AGAP1: variants seen among roughly 807,000 people sequenced by gnomAD.
AGAP1 encodes ArfGAP with GTPase domain, ankyrin repeat and PH domain 1, also known as arf-GAP with GTPase, ANK repeat and PH domain-containing protein 1.
Under a neutral mutation model 105.3 loss-of-function variants are expected in AGAP1, and 29 were observed. The ratio of observed to expected loss-of-function variants is 0.28; its 90% CI spans 0.21 to 0.38. The LOEUF is 0.38. AGAP1 is among the 10% of genes least tolerant of loss of function. The pLI, the probability that AGAP1 is intolerant of heterozygous loss-of-function variation, is 1.00. For missense variants in AGAP1, 998 were observed against 1,165.1 expected (o/e 0.86, Z 2.09); for synonymous variants, 509 against 485.9 (o/e 1.05, Z -0.63).
chr2:235,841,518 A>T (rs948569367), intron 9 of AGAP1, among the ~76,000 whole-genome samples: 1 of 151,900 alleles, frequency 6.6e-6, no homozygotes, highest in Non-Finnish European at 1.5e-5. Flanking sequence ...GGTCCCAGCT[A>T]CTCTGGAGGC....
chr2:235,887,961 G>T lies in AGAP1; in HGVS notation c.1155+4512G>T, dbSNP rs1207404647. ...CGTGCGGCAGCCCATCACCGGCAGC[G>T]CTTGCTCGTGGTGGTGAGGCCTCTC... is the stretch of plus-strand genomic sequence containing the variant. On this transcript the variant is annotated intron_variant, in intron 10 of 17. Coordinates refer to ENST00000304032, the MANE Select transcript of AGAP1 (RefSeq NM_001037131.3). This position sits in a 1 kb window ranked among gnomAD's most constrained non-coding sequence, Gnocchi z 4.1. 6.6e-6 allele frequency among the ~76,000 whole-genome samples: 1 copy of T among 152,170 alleles called. No individual in the cohort carries two copies. Among genetic ancestry groups the T allele is most frequent in the African/African-American group, 2.4e-5 (1 of 41,436 alleles).
rs1195228505 is a variant in AGAP1, at chr2:236,045,881, G to A, written c.1892-3178G>A. 1 of 459,958 alleles carries A rather than the reference G, an allele frequency of 2.2e-6. No individual in the cohort carries two copies. Among genetic ancestry groups the A allele is most frequent in the Non-Finnish European group, 4.6e-6 (1 of 218,656 alleles). 28.5% of individuals were successfully genotyped at this position (459,958 alleles called of 1,614,324 possible). A position where few individuals can be genotyped will look rare whatever the true frequency, so the allele number is the denominator to read the frequency against. On this transcript the variant is annotated intron_variant, in intron 15 of 17. Transcript: ENST00000304032. The surrounding 1 kb of genome is among the most constrained non-coding windows in gnomAD (Gnocchi z 6.9). Reference sequence around the variant, plus strand: ...AGCCTTACCTGTCTCTAAGCAGAGGGTGGTGAGCATGGGGCCCTGGAACAC... The same window carrying A: ...AGCCTTACCTGTCTCTAAGCAGAGGATGGTGAGCATGGGGCCCTGGAACAC...
At position 235,622,493 on chromosome 2, in the gene AGAP1, G is replaced by A. The variant is rs1237522907; in HGVS notation, c.164-86686G>A. Among the ~76,000 whole-genome samples the A allele has an allele frequency of 6.6e-6, 1 of 152,186 alleles. No individual in the cohort carries two copies. Among genetic ancestry groups the A allele is most frequent in the Non-Finnish European group, 1.5e-5 (1 of 68,042 alleles). On this transcript the variant is annotated intron_variant, in intron 1 of 17. Coordinates refer to ENST00000304032, the MANE Select transcript of AGAP1 (RefSeq NM_001037131.3). This position sits in a 1 kb window ranked among gnomAD's most constrained non-coding sequence, Gnocchi z 5.0. ...CAGAGACAGGTGTCTGGGATCTGAA[G>A]ACAGCAGTTGGGGAGGACAGTGTTG...
Position 236,089,519 on chromosome 2 carries a change from G to A in AGAP1, c.2115-30673G>A, listed in dbSNP as rs145465994. Among the ~76,000 whole-genome samples, 2,157 of 152,344 alleles carry A rather than the reference G, an allele frequency of 0.014. 47 individuals are homozygous for A. Among genetic ancestry groups the A allele is most frequent in the African/African-American group, 0.046 (1,926 of 41,566 alleles). On this transcript the variant is annotated intron_variant, in intron 16 of 17. Coordinates refer to ENST00000304032, the MANE Select transcript of AGAP1 (RefSeq NM_001037131.3). The surrounding 1 kb of genome is among the most constrained non-coding windows in gnomAD (Gnocchi z 5.6). ...GGCCTGATGGCCTGCGCCTGTTGCCGTTGATGAGACCCAAAGTCTGGAACG... is the reference window on the plus strand; with the variant it reads ...GGCCTGATGGCCTGCGCCTGTTGCCATTGATGAGACCCAAAGTCTGGAACG...
chr2:235,679,030 G>T (rs894006819), intron 1 of AGAP1, among the ~76,000 whole-genome samples: 1 of 152,246 alleles, frequency 6.6e-6, no homozygotes, highest in African/African-American at 2.4e-5. Context: ...GATTTCAGGT[G>T]TGTGGATAAT....
intron 9 of AGAP1, among the ~76,000 whole-genome samples, chr2:235,816,271 TA>T (rs1369033314): frequency 6.6e-6 from 1 of 151,534 alleles, no homozygotes; most frequent in Admixed American, 6.6e-5. Flanking sequence ...CCCCCGTCTC[TA>T]CTAAAAATAC....
Position 235,874,550 on chromosome 2 carries a change from T to G in AGAP1, c.1051-8795T>G, listed in dbSNP as rs575366821. 6.6e-6 allele frequency among the ~76,000 whole-genome samples: 1 copy of G among 152,278 alleles called. No individual in the cohort carries two copies. The highest frequency in any genetic ancestry group is 2.1e-4 in the South Asian group (1 of 4,820). ...AACCGAAGTGCACTTTGCAGGGAGC[T>G]AAGAGGCTCGGCTGCTAACAGCAGA... On this transcript the variant is annotated intron_variant, in intron 9 of 17. Coordinates refer to ENST00000304032, the MANE Select transcript of AGAP1 (RefSeq NM_001037131.3). The surrounding 1 kb of genome is among the most constrained non-coding windows in gnomAD (Gnocchi z 4.5).
chr2:235,649,838 C>T (rs930622736), intron 1 of AGAP1, among the ~76,000 whole-genome samples: 1 of 152,164 alleles, frequency 6.6e-6, no homozygotes, highest in African/African-American at 2.4e-5. Context: ...AAAATGAAAC[C>T]AATTGAAGTA....
At chr2:235,561,054 T>G (rs1944134223) in intron 1 of AGAP1, among the ~76,000 whole-genome samples, 1 of 152,174 alleles carries the variant, frequency 6.6e-6, no homozygotes, top group Non-Finnish European at 1.5e-5. Flanking sequence ...TGCCTGGTTG[T>G]TTGGGCCATG....
At chr2:235,504,026 C>A (rs866004062) in intron 1 of AGAP1, among the ~76,000 whole-genome samples, 8 of 152,328 alleles carry the variant, frequency 5.3e-5, no homozygotes, top group Middle Eastern at 3.4e-3. Context: ...GGACCACAGG[C>A]ACGCACCACC....
intron 1 of AGAP1, among the ~76,000 whole-genome samples, chr2:235,562,369 G>T (rs1393964005): frequency 2.0e-5 from 3 of 152,124 alleles, no homozygotes; most frequent in Non-Finnish European, 4.4e-5. Flanking sequence ...CACTAACGGT[G>T]GGGAGAGATG....
intron 13 of AGAP1, among the ~76,000 whole-genome samples, chr2:235,998,459 T>G (rs2055910695): frequency 6.6e-6 from 1 of 152,168 alleles, no homozygotes; most frequent in African/African-American, 2.4e-5. Context: ...ATCTTACCCC[T>G]GAAAGCTGTG....
In AGAP1 at chr2:236,048,942, T is replaced by C. The variant is rs2057811443; in HGVS notation, c.1892-117T>C. On this transcript the variant is annotated intron_variant, in intron 15 of 17. Coordinates refer to ENST00000304032, the MANE Select transcript of AGAP1 (RefSeq NM_001037131.3). ...GGCTAGGGAGCATTTTTTCTCGCCA[T>C]GGATGTGGTTCTGTCGTTGTGAAGT... is the stretch of plus-strand genomic sequence containing the variant. 3.0e-6 allele frequency: 3 copies of C among 986,288 alleles called. No individual in the cohort carries two copies. In the Admixed American group the frequency reaches 6.9e-5, roughly 23 times the overall value. 61.1% of individuals were successfully genotyped at this position (986,288 alleles called of 1,614,324 possible).
chr2:235,798,395 C>T (rs1957338840), intron 7 of AGAP1, among the ~76,000 whole-genome samples: 1 of 152,326 alleles, frequency 6.6e-6, no homozygotes, highest in Admixed American at 6.5e-5. Flanking sequence ...CAACCAACAA[C>T]CTCCTAAGGA....
In AGAP1 at chr2:236,113,714, G is replaced by A. The variant is rs1166888494; in HGVS notation, c.2115-6478G>A. ...AGGTCAGGTGCGGCAAAGCCCGTCA[G>A]GCAGCAATGCTAGAGTGTCTGTCTC... is the stretch of plus-strand genomic sequence containing the variant. On this transcript the variant is annotated intron_variant, in intron 16 of 17. Coordinates refer to ENST00000304032, the MANE Select transcript of AGAP1 (RefSeq NM_001037131.3). The surrounding 1 kb of genome is among the most constrained non-coding windows in gnomAD (Gnocchi z 4.3). Among the ~76,000 whole-genome samples the A allele has an allele frequency of 2.0e-5, 3 of 152,172 alleles. No homozygotes were observed. Among genetic ancestry groups the A allele is most frequent in the Non-Finnish European group, 4.4e-5 (3 of 68,032 alleles).
chr2:235,945,825 G>C (rs1410038131), intron 12 of AGAP1, among the ~76,000 whole-genome samples: 1 of 150,930 alleles, frequency 6.6e-6, no homozygotes, highest in Non-Finnish European at 1.5e-5. Flanking sequence ...GCTTCCGGGG[G>C]GGTGCCTCGG....
chr2:235,759,807 A>G (rs1197838750), intron 6 of AGAP1, among the ~76,000 whole-genome samples: 3 of 152,244 alleles, frequency 2.0e-5, no homozygotes, highest in Non-Finnish European at 4.4e-5. Flanking sequence ...TCTTAACCAA[A>G]GAAGCTCTTT....
At position 236,114,542 on chromosome 2, in the gene AGAP1, C is replaced by T. The variant is rs951179605; in HGVS notation, c.2115-5650C>T. ...TCTCACAGTTCTGGAGGCTGGAAGTCTGGAGTCAGGGTGCCCGCAGGGTTG... is the reference window on the plus strand; with the variant it reads ...TCTCACAGTTCTGGAGGCTGGAAGTTTGGAGTCAGGGTGCCCGCAGGGTTG... On this transcript the variant is annotated intron_variant, in intron 16 of 17. Coordinates refer to ENST00000304032, the MANE Select transcript of AGAP1 (RefSeq NM_001037131.3). This position sits in a 1 kb window ranked among gnomAD's most constrained non-coding sequence, Gnocchi z 5.0. Among the ~76,000 whole-genome samples the T allele has an allele frequency of 3.3e-5, 5 of 152,158 alleles. No individual in the cohort carries two copies. The highest frequency in any genetic ancestry group is 1.2e-4 in the African/African-American group (5 of 41,430).
At chr2:235,722,137 T>A (rs1460901819) in intron 3 of AGAP1, among the ~76,000 whole-genome samples, 1 of 152,210 alleles carries the variant, frequency 6.6e-6, no homozygotes, top group East Asian at 1.9e-4. Context: ...GACAGATTCC[T>A]TAATTGGGTG....
Sources: allele counts gnomAD v4.1 joint callset (sites outside exome capture counted in the v4.1 genomes callset), GRCh38; gene constraint gnomAD v4.1.1; non-coding constraint Gnocchi (gnomAD v3.1); transcripts MANE v1.5; gene names NCBI Gene and HGNC (gene_info 2026-07-23, HGNC 2026-07-21).